The following MAGT1 variants were observed in gnomAD, a reference collection of about 807,000 sequenced individuals.
The protein encoded by MAGT1 is dolichyl-diphosphooligosaccharide--protein glycosyltransferase subunit MAGT1.
MAGT1 carries 4 observed loss-of-function variants against 28.4 expected under a neutral mutation model. The ratio of observed to expected loss-of-function variants is 0.14; its 90% confidence interval spans 0.07 to 0.32. The LOEUF is 0.32. MAGT1 is among the 10% of genes least tolerant of loss of function. MAGT1 has a pLI of 1.00. For synonymous variants in MAGT1, 89 were observed against 89.7 expected (o/e 0.99, Z 0.04); for missense variants, 193 against 264.5 (o/e 0.73, Z 1.88).
intron 1 of MAGT1, 80 bp downstream of exon 1, chrX:77,895,229 G>T: frequency 1.9e-6 from 2 of 1,075,571 alleles, no homozygotes. Flanking sequence ...GCAGGGAAAG[G>T]GGGCTGGGAA....
At chrX:77,884,855 C>T (rs193097258) in intron 1 of MAGT1, among the ~76,000 whole-genome samples, 2,937 of 107,221 alleles carry the variant, frequency 0.027, 113 homozygotes, top group African/African-American at 0.096. Context: ...GAGGCCGAGG[C>T]GGGTGGATCA....
chrX:77,871,838 T>C (rs1557217349), intron 2 of MAGT1, among the ~76,000 whole-genome samples: 1 of 109,786 alleles, frequency 9.1e-6, no homozygotes, highest in African/African-American at 3.3e-5. Context: ...CAAGACTCCA[T>C]CTCAAAAAAA....
chrX:77,890,338 G>A (rs782560849), intron 1 of MAGT1, among the ~76,000 whole-genome samples: 3 of 112,132 alleles, frequency 2.7e-5, no homozygotes, highest in Non-Finnish European at 5.6e-5. Flanking sequence ...ATAACGGGCA[G>A]ATAATTACTG....
chrX:77,858,242 G>A (rs1557216166), intron 3 of MAGT1, among the ~76,000 whole-genome samples: 1 of 111,344 alleles, frequency 9.0e-6, no homozygotes, highest in Non-Finnish European at 1.9e-5. Flanking sequence ...CTAGGCTGAA[G>A]CACAGTGGCA....
chrX:77,836,167 G>C (rs2076917415), intron 8 of MAGT1, among the ~76,000 whole-genome samples: 1 of 110,969 alleles, frequency 9.0e-6, no homozygotes. Flanking sequence ...TCACTTATTT[G>C]TGGGATCAAA....
At chrX:77,831,888 C>T (rs981618461) in intron 8 of MAGT1, among the ~76,000 whole-genome samples, 10 of 111,611 alleles carry the variant, frequency 9.0e-5, no homozygotes, top group South Asian at 7.3e-4. Context: ...CCACGGTGCC[C>T]GGCTTACTTA....
At chrX:77,891,961 T>C (rs2077083888) in intron 1 of MAGT1, among the ~76,000 whole-genome samples, 1 of 111,083 alleles carries the variant, frequency 9.0e-6, no homozygotes, top group Non-Finnish European at 1.9e-5. Flanking sequence ...ACTTTTTTTT[T>C]TTTTGAGACA....
chrX:77,834,256 A>ACG (rs781878769), intron 8 of MAGT1, among the ~76,000 whole-genome samples: 101 of 57,832 alleles, frequency 1.7e-3, no homozygotes, highest in South Asian at 5.4e-3. Context: ...ATATATATAC[A>ACG]TGTGTGTATA....
intron 1 of MAGT1, among the ~76,000 whole-genome samples, chrX:77,888,863 T>C (rs1333885516): frequency 2.7e-5 from 3 of 111,740 alleles, no homozygotes; most frequent in Non-Finnish European, 3.8e-5. Context: ...CATTGCATAA[T>C]AATCACATCA....
intron 2 of MAGT1, among the ~76,000 whole-genome samples, chrX:77,872,508 A>G (rs1281385873): frequency 3.6e-5 from 4 of 112,129 alleles, no homozygotes; most frequent in African/African-American, 1.3e-4. Flanking sequence ...CAAATAATAC[A>G]TCTAGTTTTT....
chrX:77,832,313 G>A (rs1385875066), intron 8 of MAGT1, among the ~76,000 whole-genome samples: 1 of 110,857 alleles, frequency 9.0e-6, no homozygotes, highest in Non-Finnish European at 1.9e-5. Context: ...GGGCAGGGGT[G>A]TCCAATCTTT....
intron 3 of MAGT1, among the ~76,000 whole-genome samples, chrX:77,861,386 C>G (rs2076994455): frequency 9.0e-6 from 1 of 111,521 alleles, no homozygotes; most frequent in African/African-American, 3.3e-5. Context: ...AAACAAAAAA[C>G]CCCAGAAAAC....
intron 1 of MAGT1, among the ~76,000 whole-genome samples, chrX:77,887,955 C>T (rs187157869): frequency 1.8e-5 from 2 of 111,062 alleles, no homozygotes; most frequent in African/African-American, 6.5e-5. Context: ...CTACTACAGG[C>T]GTGCACCACC....
rs183606954 is a variant in MAGT1 at position 77,826,785 on chromosome X, A to T, written c.*2435T>A. On this transcript the variant is annotated 3_prime_UTR_variant, in exon 10 of 10. Coordinates refer to ENST00000618282, the MANE Select transcript of MAGT1 (RefSeq NM_001367916.1). Reference sequence around the variant, plus strand: ...ATCAGGGCATCTTCATACAAGTCTCATAAGAACCACAGCATAGATTTGGCC... The same window carrying T: ...ATCAGGGCATCTTCATACAAGTCTCTTAAGAACCACAGCATAGATTTGGCC... 8.9e-6 allele frequency: 1 copy of T among 112,296 alleles called. No individual in the cohort carries two copies. Among genetic ancestry groups the T allele is most frequent in the Admixed American group, 9.5e-5 (1 of 10,482 alleles). The allele number at this position is 112,296 out of a possible 1,213,427, so 9.3% of individuals were successfully genotyped here. A position where few individuals can be genotyped will look rare whatever the true frequency, so the allele number is the denominator to read the frequency against.
At chrX:77,863,609 T>C (rs2077000445) in intron 3 of MAGT1, among the ~76,000 whole-genome samples, 1 of 111,341 alleles carries the variant, frequency 9.0e-6, no homozygotes, top group Non-Finnish European at 1.9e-5. Context: ...TATGTATCCA[T>C]AGGAAAGGAA....
chrX:77,863,762 A>G (rs1298498318), intron 3 of MAGT1, among the ~76,000 whole-genome samples: 1 of 112,260 alleles, frequency 8.9e-6, no homozygotes. Flanking sequence ...TTGCGCCTGT[A>G]ATCCTACCAC....
At chrX:77,868,874 T>C (rs1557217092) in intron 3 of MAGT1, among the ~76,000 whole-genome samples, 3 of 111,400 alleles carry the variant, frequency 2.7e-5, no homozygotes, top group Non-Finnish European at 5.7e-5. Flanking sequence ...GGTGGGTATG[T>C]GATCCAGGGC....
intron 3 of MAGT1, among the ~76,000 whole-genome samples, chrX:77,867,451 C>T (rs782738796): frequency 7.4e-5 from 5 of 67,246 alleles, no homozygotes; most frequent in African/African-American, 1.7e-4. Flanking sequence ...TTCCGAGTAG[C>T]TGACCACTGG....
At chrX:77,840,185 A>C (rs1405556119) in intron 8 of MAGT1, among the ~76,000 whole-genome samples, 2 of 102,857 alleles carry the variant, frequency 1.9e-5, no homozygotes, top group African/African-American at 7.1e-5. Flanking sequence ...GGATCACCTG[A>C]GGTCAGGAGT....
Sources: allele counts gnomAD v4.1 joint callset (sites outside exome capture counted in the v4.1 genomes callset), GRCh38; gene constraint gnomAD v4.1.1; transcripts MANE v1.5; gene names NCBI Gene and HGNC (gene_info 2026-07-23, HGNC 2026-07-21).